The following DDX46 variants were observed in gnomAD, a reference collection of about 807,000 sequenced individuals.
The protein encoded by DDX46 is probable ATP-dependent RNA helicase DDX46.
Under a neutral mutation model 134.9 loss-of-function variants are expected in DDX46, and 30 were observed. The ratio of observed to expected loss-of-function variants is 0.22; its 90% CI spans 0.17 to 0.30. The LOEUF (loss-of-function observed/expected upper bound fraction) is 0.30, where lower values mean the gene tolerates loss of function less well. Among genes scored for constraint, DDX46 ranks in the 10% least tolerant of loss-of-function variants. The probability of loss-of-function intolerance (pLI) is 1.00; values close to 1 mark genes in which losing one functional copy is unlikely to be tolerated. For missense variants in DDX46, 622 were observed against 1,248.7 expected, an observed-to-expected ratio of 0.50 and a Z score of 7.56; for synonymous variants, 415 against 404.1, an observed-to-expected ratio of 1.03 and a Z score of -0.32.
rs185104658 is a variant in DDX46 at position 134,822,134 on chromosome 5, C to T, written c.2977+3130C>T. On this transcript the variant is annotated intron_variant, in intron 21 of 22. Coordinates refer to ENST00000452510, the MANE Select transcript of DDX46 (RefSeq NM_001300860.2). The stretch of plus-strand genomic sequence containing the variant: ...CCTCAGGTGAACTGCCTACCTCAGC[C>T]TCCCAAAGTGCAGGGATTACAGGCC... Among the ~76,000 whole-genome samples the T allele has an allele frequency of 3.0e-3, 454 of 152,310 alleles. 3 individuals carry two copies. The highest frequency in any genetic ancestry group is 5.2e-3 in the South Asian group (25 of 4,828).
intron 21 of DDX46, among the ~76,000 whole-genome samples, chr5:134,822,239 A>G (rs1755476372): frequency 6.6e-6 from 1 of 152,154 alleles, no homozygotes; most frequent in South Asian, 2.1e-4. Flanking sequence ...ATAACAACGT[A>G]GTTCAATTAA....
intron 11 of DDX46, among the ~76,000 whole-genome samples, chr5:134,786,664 G>A (rs1210657849): frequency 6.6e-6 from 1 of 152,112 alleles, no homozygotes; most frequent in African/African-American, 2.4e-5. Flanking sequence ...CCAACATGGC[G>A]AGACTCCCCG....
intron 13 of DDX46, among the ~76,000 whole-genome samples, chr5:134,792,694 A>G (rs899313101): frequency 6.6e-6 from 1 of 152,238 alleles, no homozygotes; most frequent in Non-Finnish European, 1.5e-5. Flanking sequence ...ATTCCTTGCC[A>G]TAAATACATA....
intron 18 of DDX46, among the ~76,000 whole-genome samples, chr5:134,814,781 A>G (rs1030018351): frequency 3.3e-5 from 5 of 152,074 alleles, no homozygotes; most frequent in Non-Finnish European, 7.4e-5. Context: ...ATGCCTGGGT[A>G]ACTTTTATAT....
At chr5:134,767,891 G>A (rs1371287945) in intron 3 of DDX46, among the ~76,000 whole-genome samples, 8 of 151,402 alleles carry the variant, frequency 5.3e-5, no homozygotes, top group African/African-American at 7.3e-5. Flanking sequence ...CAGAGGTTGC[G>A]GTGAGGTGAG....
At chr5:134,812,141 T>C (rs1177297568) in intron 18 of DDX46, among the ~76,000 whole-genome samples, 1 of 142,714 alleles carries the variant, frequency 7.0e-6, no homozygotes, top group Non-Finnish European at 1.5e-5. Context: ...CTCCATTCAC[T>C]GTAACCTCCG....
chr5:134,810,343 C>CTT (rs566528907), intron 16 of DDX46, among the ~76,000 whole-genome samples: 4 of 144,904 alleles, frequency 2.8e-5, no homozygotes, highest in Admixed American at 6.9e-5. Context: ...ACCTATGTTT[C>CTT]TTTTTTTTTT....
chr5:134,812,130 T>G (rs1406581596), intron 18 of DDX46, among the ~76,000 whole-genome samples: 1 of 139,358 alleles, frequency 7.2e-6, no homozygotes, highest in African/African-American at 2.7e-5. Flanking sequence ...GGTGGCGTGG[T>G]CTCCATTCAC....
intron 22 of DDX46, among the ~76,000 whole-genome samples, chr5:134,827,552 C>T (rs569694845): frequency 2.6e-5 from 4 of 152,302 alleles, no homozygotes; most frequent in East Asian, 3.9e-4. Flanking sequence ...GGATTACAGG[C>T]GTGAGCCGTG....
chr5:134,801,415 G>A (rs1047913703), intron 15 of DDX46, among the ~76,000 whole-genome samples: 2 of 151,702 alleles, frequency 1.3e-5, no homozygotes, highest in Non-Finnish European at 2.9e-5. Flanking sequence ...TTTTCCTTGA[G>A]ACAACTTTTC....
At chr5:134,826,405 A>G (rs906438405) in intron 21 of DDX46, 1 of 152,194 alleles carries the variant, frequency 6.6e-6, no homozygotes, top group Non-Finnish European at 1.5e-5. Context: ...TTATTCTTCA[A>G]TAATTAAGCA....
chr5:134,809,512 C>T (rs1475973153), intron 16 of DDX46, among the ~76,000 whole-genome samples: 3 of 151,914 alleles, frequency 2.0e-5, no homozygotes, highest in African/African-American at 7.2e-5. Context: ...GGACTACAGG[C>T]GTGTGCCACC....
intron 9 of DDX46, 133 bp from the exon 10 acceptor site, chr5:134,784,233 T>C: frequency 1.2e-6 from 1 of 849,698 alleles, no homozygotes; most frequent in Admixed American, 3.3e-5. Context: ...CATTCCTTTT[T>C]ATTGCCAAAT....
Position 134,781,626 on chromosome 5 carries a change from GC to G in DDX46, c.880-294del, listed in dbSNP as rs3840164. The stretch of plus-strand genomic sequence containing the variant: ...TGATTACTGTTTTAGCTTTATATTG[GC>G]ATTTTAACCTTCTAAAGGCAAAGAA... On this transcript the variant is annotated intron_variant, in intron 7 of 22. Coordinates refer to ENST00000452510, the MANE Select transcript of DDX46 (RefSeq NM_001300860.2). 1.6e-3 allele frequency among the ~76,000 whole-genome samples: 244 copies of G among 152,146 alleles called. 6 individuals are homozygous for G. The East Asian group carries it at 0.036, about 23-fold the overall frequency.
chr5:134,763,802 G>C, intron 1 of DDX46, 102 bp from the exon 2 acceptor site: 1 of 1,320,882 alleles, frequency 7.6e-7, no homozygotes, highest in Non-Finnish European at 1.0e-6. Flanking sequence ...AGTTCTTTGA[G>C]TGTTAAATTT....
At chr5:134,777,453 G>A (rs547889760) in intron 5 of DDX46, 121 bp from the exon 6 acceptor site, 3 of 1,076,258 alleles carry the variant, frequency 2.8e-6, no homozygotes, top group Admixed American at 5.7e-5. Context: ...GATGGCTGGA[G>A]TAATTGGAAA....
intron 18 of DDX46, 64 bp downstream of exon 18, chr5:134,811,909 C>T (rs1755155724): frequency 1.3e-6 from 2 of 1,544,384 alleles, no homozygotes; most frequent in Non-Finnish European, 1.7e-6. Flanking sequence ...GGAGGTCTTG[C>T]CATATATGGT....
Position 134,830,882 on chromosome 5 carries a change from A to G in DDX46, c.*2176A>G, listed in dbSNP as rs1253585128. 2.0e-5 allele frequency: 3 copies of G among 152,574 alleles called. No homozygotes were observed. The East Asian group carries it at 5.8e-4, about 29-fold the overall frequency. The allele number at this position is 152,574 out of a possible 1,614,324, so 9.5% of individuals were successfully genotyped here. On this transcript the variant is annotated 3_prime_UTR_variant, in exon 23 of 23. Coordinates refer to ENST00000452510, the MANE Select transcript of DDX46 (RefSeq NM_001300860.2). The stretch of plus-strand genomic sequence containing the variant: ...TGATAATTGGTGCTCCCTTCATCCA[A>G]CTGGATCACTTTGAGATTCAGTTTT...
intron 6 of DDX46, among the ~76,000 whole-genome samples, chr5:134,780,564 C>A (rs1199892802): frequency 2.8e-5 from 4 of 142,306 alleles, no homozygotes; most frequent in African/African-American, 1.0e-4. Flanking sequence ...AACTTTATCT[C>A]AATAAATAAA....
Sources: allele counts gnomAD v4.1 joint callset (sites outside exome capture counted in the v4.1 genomes callset), GRCh38; gene constraint gnomAD v4.1.1; transcripts MANE v1.5; gene names NCBI Gene and HGNC (gene_info 2026-07-23, HGNC 2026-07-21).